The following FREM1 variants were observed in gnomAD, a reference collection of about 807,000 sequenced individuals.
The protein encoded by FREM1 is FRAS1 related extracellular matrix 1.
Under a neutral mutation model 210.1 loss-of-function variants are expected in FREM1, and 220 were observed. That is an observed-to-expected ratio of 1.05 (90% CI 0.94 to 1.17). FREM1 has a LOEUF of 1.17. FREM1 is among the 50% of genes most tolerant of loss of function. The probability of loss-of-function intolerance (pLI) is 0.00; values close to 1 mark genes in which losing one functional copy is unlikely to be tolerated. For missense variants in FREM1, 3,454 were observed against 2,675.5 expected, an observed-to-expected ratio of 1.29 and a Z score of -6.42; for synonymous variants, 1,189 against 980.2, an observed-to-expected ratio of 1.21 and a Z score of -3.98.
chr9:14,837,232 A>G (rs1824800707), intron 10 of FREM1, among the ~76,000 whole-genome samples: 1 of 152,074 alleles, frequency 6.6e-6, no homozygotes, highest in Non-Finnish European at 1.5e-5. Flanking sequence ...GCCTGGTCAA[A>G]CCTATTTCCT....
At chr9:14,793,822 G>C (rs1217999873) in intron 21 of FREM1, among the ~76,000 whole-genome samples, 1 of 152,206 alleles carries the variant, frequency 6.6e-6, no homozygotes, top group Non-Finnish European at 1.5e-5. Context: ...GAACACCTCA[G>C]TTCCAACAAC....
At position 14,901,356 on chromosome 9, in the gene FREM1, T is replaced by C. The variant is rs140949134; in HGVS notation, c.-268+8558A>G. On this transcript the variant is annotated intron_variant, in intron 1 of 36. Transcript: ENST00000380880. ...GTGTAATTCCCCTCTGTGTTCCTAATGTGTCAATTACTTCTGTTAATTTTT... is the reference window on the plus strand; with the variant it reads ...GTGTAATTCCCCTCTGTGTTCCTAACGTGTCAATTACTTCTGTTAATTTTT... Among the ~76,000 whole-genome samples, 741 of 152,314 alleles carry C rather than the reference T, an allele frequency of 4.9e-3. 7 individuals carry two copies. The highest frequency in any genetic ancestry group is 0.017 in the African/African-American group (706 of 41,568).
At chr9:14,741,990 C>A (rs1177650214) in intron 35 of FREM1, among the ~76,000 whole-genome samples, 1 of 152,170 alleles carries the variant, frequency 6.6e-6, no homozygotes, top group East Asian at 1.9e-4. Flanking sequence ...GGGAAGATAG[C>A]TCTGCTTCAA....
chr9:14,908,613 A>T (rs773800062), intron 1 of FREM1, among the ~76,000 whole-genome samples: 1 of 152,230 alleles, frequency 6.6e-6, no homozygotes, highest in East Asian at 1.9e-4. Context: ...CCAGCCAAGC[A>T]TGCAAAACCA....
chr9:14,805,142 C>G lies in FREM1; in HGVS notation c.3285G>C (p.Gln1095His). ...TGTGAAAAGCGTTCATGTCTTTCCA[C>G]TGAAATGAATCTAGAGCACACCAAG... ...SNIGISIDSF[Q>H]WKDMNAFHIN... Residue 1095 changes from glutamine to histidine, a missense_variant, in exon 19 of 37, where the codon CAG becomes CAC. Physicochemically the swap from Gln to His is conservative, Grantham distance 24. Coordinates refer to ENST00000380880, the MANE Select transcript of FREM1 (RefSeq NM_001379081.2). 2 of 1,562,804 alleles carry G rather than the reference C, an allele frequency of 1.3e-6. No homozygotes were observed. The highest frequency in any genetic ancestry group is 1.7e-6 in the Non-Finnish European group (2 of 1,153,038).
Position 14,775,926 on chromosome 9 carries a change from T to C in FREM1, c.4720A>G (p.Ser1574Gly). 1 of 1,614,026 alleles carries C rather than the reference T, an allele frequency of 6.2e-7. No homozygotes were observed. The highest frequency in any genetic ancestry group is 8.5e-7 in the Non-Finnish European group (1 of 1,179,888). The change falls in exon 25 of 37, where the codon AGC (serine) becomes GGC (glycine). Residue 1574 changes from serine (S) to glycine (G), a missense_variant. Transcript: ENST00000380880. ...QHNFTQQDVD[S>G]KNVAYRHSGG... ...GAGTGCCGATAGGCCACATTCTTGC[T>C]GTCCACATCCTGCTGGGTGAAATTG...
At chr9:14,802,139 A>C (rs1817406533) in intron 19 of FREM1, among the ~76,000 whole-genome samples, 1 of 152,210 alleles carries the variant, frequency 6.6e-6, no homozygotes, top group Non-Finnish European at 1.5e-5. Context: ...TAATTTTTAA[A>C]ATATGTATTG....
chr9:14,837,385 G>A (rs1485452748), intron 10 of FREM1, among the ~76,000 whole-genome samples: 1 of 151,648 alleles, frequency 6.6e-6, no homozygotes, highest in Non-Finnish European at 1.5e-5. Context: ...TCTTCCTTCT[G>A]TCTTCTCCCT....
At chr9:14,901,928 T>G (rs1189666294) in intron 1 of FREM1, among the ~76,000 whole-genome samples, 5 of 152,058 alleles carry the variant, frequency 3.3e-5, no homozygotes, top group South Asian at 2.1e-4. Context: ...CACGGATCAC[T>G]GCAGCCTTGA....
chr9:14,806,515 A>G, intron 18 of FREM1, 146 bp downstream of exon 18: 2 of 595,682 alleles, frequency 3.4e-6, no homozygotes, highest in Non-Finnish European at 6.0e-6. Context: ...CGGCCTCCCA[A>G]AGTGCTGGGA....
rs1824526651 is a variant in FREM1, at chr9:14,836,036, G to C, written c.1881+5411C>G. Among the ~76,000 whole-genome samples the C allele has an allele frequency of 6.6e-6, 1 of 152,204 alleles. No homozygotes were observed. Among genetic ancestry groups the C allele is most frequent in the South Asian group, 2.1e-4 (1 of 4,830 alleles). On this transcript the variant is annotated intron_variant, in intron 10 of 36. Transcript: ENST00000380880. The surrounding 1 kb of genome is among the most constrained non-coding windows in gnomAD (Gnocchi z 4.9). ...TATGCTAGTTCTGGGCAATTATCTT[G>C]CAACTTCTGCCGGGTAATGAAAAGT...
intron 27 of FREM1, among the ~76,000 whole-genome samples, chr9:14,767,474 C>G (rs1250410077): frequency 6.6e-6 from 1 of 152,164 alleles, no homozygotes; most frequent in African/African-American, 2.4e-5. Flanking sequence ...CTTTCTAGCT[C>G]TGTCCTCAGT....
At chr9:14,871,523 T>C (rs1658385519) in intron 1 of FREM1, among the ~76,000 whole-genome samples, 1 of 152,166 alleles carries the variant, frequency 6.6e-6, no homozygotes, top group Non-Finnish European at 1.5e-5. Context: ...TCTTGTAAAT[T>C]TGTTTGAGTT....
At chr9:14,892,956 G>T (rs1285434215) in intron 1 of FREM1, among the ~76,000 whole-genome samples, 1 of 152,186 alleles carries the variant, frequency 6.6e-6, no homozygotes. Flanking sequence ...CCAGCCGGGG[G>T]CACGTTTGAG....
In FREM1 at chr9:14,737,554, C is replaced by T. The variant is rs551195746; in HGVS notation, c.6382G>A (p.Gly2128Ser). ...TTGGTGAAGGCAACAGGTTCACCAC[C>T]GATCCACTCCCAGTGGCCAGCATGC... ...QVHAGHWEWI[G>S]GEPVAFTNGR... is the part of the protein sequence containing the mutation. Residue 2128 changes from glycine (G) to serine (S), a missense_variant, in exon 37 of 37, where the codon GGT becomes AGT. Gly to Ser is a moderately conservative substitution (Grantham distance 56). Transcript: ENST00000380880. 2.5e-6 allele frequency: 4 copies of T among 1,602,342 alleles called. No individual in the cohort carries two copies. The highest frequency in any genetic ancestry group is 1.1e-5 in the South Asian group (1 of 89,268).
chr9:14,851,026 G>T (rs1827634265), intron 6 of FREM1, among the ~76,000 whole-genome samples: 1 of 152,216 alleles, frequency 6.6e-6, no homozygotes, highest in Non-Finnish European at 1.5e-5. Flanking sequence ...CAGGGCAGTG[G>T]TGGGCATGAG....
chr9:14,890,047 T>A (rs1836518472), intron 1 of FREM1, among the ~76,000 whole-genome samples: 1 of 152,232 alleles, frequency 6.6e-6, no homozygotes, highest in African/African-American at 2.4e-5. Flanking sequence ...CTAAGGATAC[T>A]CCTTTCCTCT....
At chr9:14,846,380 G>C (rs145070103) in intron 7 of FREM1, among the ~76,000 whole-genome samples, 1 of 152,236 alleles carries the variant, frequency 6.6e-6, no homozygotes, top group East Asian at 1.9e-4. Flanking sequence ...GGAAAGGGGA[G>C]AAAGAGCATT....
intron 1 of FREM1, among the ~76,000 whole-genome samples, chr9:14,874,492 C>T (rs1363220188): frequency 2.0e-5 from 3 of 149,630 alleles, no homozygotes; most frequent in Non-Finnish European, 4.4e-5. Context: ...ATTGCAACCC[C>T]TGCCTTTTTT....
Sources: gnomAD v4.1 joint callset for allele counts (sites outside exome capture counted in the v4.1 genomes callset) on GRCh38, gnomAD v4.1.1 for gene constraint, Gnocchi (gnomAD v3.1) non-coding constraint, MANE v1.5 for transcripts, NCBI Gene and HGNC (gene_info 2026-07-23, HGNC 2026-07-21) for gene names.